ATXN1: variants seen among roughly 807,000 people sequenced by gnomAD.
ATXN1 encodes ataxin 1, also known as ataxin-1.
ATXN1 carries 8 observed loss-of-function variants against 56.4 expected under a neutral mutation model. The ratio of observed to expected loss-of-function variants is 0.14; its 90% CI spans 0.08 to 0.26. ATXN1 has a LOEUF of 0.26. ATXN1 is among the 10% of genes least tolerant of loss of function. The pLI is 1.00. For missense variants in ATXN1, 987 were observed against 1,106.5 expected (o/e 0.89, Z 1.53); for synonymous variants, 514 against 494.6 (o/e 1.04, Z -0.52).
intron 6 of ATXN1, among the ~76,000 whole-genome samples, chr6:16,470,993 G>A (rs1476233827): frequency 6.6e-6 from 1 of 152,148 alleles, no homozygotes; most frequent in Non-Finnish European, 1.5e-5. Flanking sequence ...GCATTTGGAA[G>A]AGGGGAAAGA....
intron 6 of ATXN1, among the ~76,000 whole-genome samples, chr6:16,364,904 G>A (rs559553893): frequency 7.9e-5 from 12 of 152,294 alleles, no homozygotes; most frequent in African/African-American, 2.9e-4. Context: ...GTCCACAAGG[G>A]GCTAACAGGG....
chr6:16,754,958 G>A (rs1346994251), intron 1 of ATXN1, among the ~76,000 whole-genome samples: 1 of 152,202 alleles, frequency 6.6e-6, no homozygotes, highest in Non-Finnish European at 1.5e-5. Flanking sequence ...CTCAAATTAA[G>A]CATCAAAATA....
intron 6 of ATXN1, among the ~76,000 whole-genome samples, chr6:16,406,876 A>T (rs79946188): frequency 0.029 from 4,405 of 152,332 alleles, 198 homozygotes; most frequent in African/African-American, 0.099. Flanking sequence ...AACTGGACAT[A>T]GCAGTAGGGT....
intron 2 of ATXN1, among the ~76,000 whole-genome samples, chr6:16,677,204 G>C (rs1335309365): frequency 6.6e-6 from 1 of 152,136 alleles, no homozygotes; most frequent in Admixed American, 6.5e-5. Flanking sequence ...TGAGCGCTGA[G>C]AGATGACGAG....
chr6:16,552,325 G>A (rs1383027810), intron 4 of ATXN1, among the ~76,000 whole-genome samples: 3 of 152,140 alleles, frequency 2.0e-5, no homozygotes, highest in African/African-American at 7.2e-5. Context: ...GCCATGTAGT[G>A]GGGAGTGTCC....
chr6:16,617,167 A>G (rs1763230216), intron 3 of ATXN1, among the ~76,000 whole-genome samples: 1 of 152,152 alleles, frequency 6.6e-6, no homozygotes, highest in Non-Finnish European at 1.5e-5. Flanking sequence ...AATTATAACC[A>G]ACACTGTAAA....
intron 2 of ATXN1, among the ~76,000 whole-genome samples, chr6:16,696,594 T>C (rs1759170507): frequency 6.6e-6 from 1 of 151,982 alleles, no homozygotes; most frequent in Non-Finnish European, 1.5e-5. Flanking sequence ...ATTTCAGGAG[T>C]CTACAAAATT....
At chr6:16,535,219 CAT>C (rs1374570380) in intron 4 of ATXN1, among the ~76,000 whole-genome samples, 3 of 152,166 alleles carry the variant, frequency 2.0e-5, no homozygotes, top group Non-Finnish European at 4.4e-5. Context: ...ATGTGTTGGG[CAT>C]AAAATTTCTG....
chr6:16,364,453 G>C (rs1012104741), intron 6 of ATXN1, among the ~76,000 whole-genome samples: 1 of 152,012 alleles, frequency 6.6e-6, no homozygotes, highest in Non-Finnish European at 1.5e-5. Context: ...ACAGGCACCC[G>C]CCACCACGCC....
intron 3 of ATXN1, among the ~76,000 whole-genome samples, chr6:16,637,200 C>T (rs1033989000): frequency 6.6e-6 from 1 of 152,100 alleles, no homozygotes; most frequent in Non-Finnish European, 1.5e-5. Flanking sequence ...TTTGTTGGGA[C>T]ATGGATGAAG....
rs757884968 is a variant in ATXN1 at position 16,300,681 on chromosome 6, T to C, written c.*5648A>G. On this transcript the variant is annotated 3_prime_UTR_variant, in exon 8 of 8. Transcript: ENST00000436367. ...AAAGAAGGTGAAATAATTTTTTTTT[T>C]TGTCCCCATAATGAGTCCTGTTTGA... The C allele has an allele frequency of 1.3e-5, 2 of 152,664 alleles. No homozygotes were observed. The highest frequency in any genetic ancestry group is 2.9e-5 in the Non-Finnish European group (2 of 68,048). 9.5% of individuals were successfully genotyped at this position (152,664 alleles called of 1,614,324 possible). A position where few individuals can be genotyped will look rare whatever the true frequency, so the allele number is the denominator to read the frequency against.
chr6:16,484,383 G>A (rs548330059), intron 6 of ATXN1, among the ~76,000 whole-genome samples: 14 of 152,278 alleles, frequency 9.2e-5, no homozygotes, highest in African/African-American at 2.9e-4. Context: ...GCAGTGAATC[G>A]AGATCTTGCC....
At chr6:16,686,753 T>C (rs1758927365) in intron 2 of ATXN1, among the ~76,000 whole-genome samples, 2 of 152,206 alleles carry the variant, frequency 1.3e-5, no homozygotes, top group Non-Finnish European at 2.9e-5. Context: ...TCTACACTTT[T>C]TAAAAATACA....
intron 3 of ATXN1, among the ~76,000 whole-genome samples, chr6:16,657,133 G>A (rs555218136): frequency 7.2e-5 from 11 of 151,758 alleles, no homozygotes; most frequent in South Asian, 2.1e-4. Context: ...ACAAGCGCCC[G>A]CCACTACACC....
intron 6 of ATXN1, among the ~76,000 whole-genome samples, chr6:16,416,234 T>C (rs1462352270): frequency 5.3e-5 from 8 of 152,200 alleles, no homozygotes; most frequent in Non-Finnish European, 8.8e-5. Context: ...TATATGGCTA[T>C]GTATACTTGA....
chr6:16,453,836 G>A (rs1315144360), intron 6 of ATXN1, among the ~76,000 whole-genome samples: 1 of 152,114 alleles, frequency 6.6e-6, no homozygotes, highest in South Asian at 2.1e-4. Flanking sequence ...TTGAATTCAA[G>A]TATGCTTCAA....
intron 6 of ATXN1, among the ~76,000 whole-genome samples, chr6:16,350,796 G>A (rs907265963): frequency 1.3e-5 from 2 of 152,140 alleles, no homozygotes; most frequent in African/African-American, 4.8e-5. Flanking sequence ...TTTAAAATGG[G>A]AATTGGCTGG....
intron 6 of ATXN1, among the ~76,000 whole-genome samples, chr6:16,379,153 C>T (rs1355807527): frequency 6.6e-6 from 1 of 152,156 alleles, no homozygotes; most frequent in East Asian, 1.9e-4. Context: ...AGTGAAGTAA[C>T]TCAAGAATGG....
At chr6:16,620,696 A>G (rs534682344) in intron 3 of ATXN1, among the ~76,000 whole-genome samples, 110 of 152,346 alleles carry the variant, frequency 7.2e-4, no homozygotes, top group Non-Finnish European at 9.4e-4. Context: ...CCCCCCCAAA[A>G]GGCTTTAGCC....
Sources: gnomAD v4.1 joint callset for allele counts (sites outside exome capture counted in the v4.1 genomes callset) on GRCh38, gnomAD v4.1.1 for gene constraint, MANE v1.5 for transcripts, NCBI Gene and HGNC (gene_info 2026-07-23, HGNC 2026-07-21) for gene names.